The following ATP1A3 variants were observed in gnomAD, a reference collection of about 807,000 sequenced individuals.
ATP1A3 encodes ATPase Na+/K+ transporting subunit alpha 3, also known as sodium/potassium-transporting ATPase subunit alpha-3.
Under a neutral mutation model 108.8 loss-of-function variants are expected in ATP1A3, and 12 were observed. The ratio of observed to expected loss-of-function variants is 0.11; its 90% confidence interval spans 0.07 to 0.18. ATP1A3 has a LOEUF of 0.18. ATP1A3 is among the 10% of genes least tolerant of loss of function. The probability of loss-of-function intolerance (pLI) is 1.00; values close to 1 mark genes in which losing one functional copy is unlikely to be tolerated. For synonymous variants in ATP1A3, 539 were observed against 564.5 expected (o/e 0.95, Z 0.64); for missense variants, 498 against 1,387.7 (o/e 0.36, Z 10.19).
rs552115008 is a variant in ATP1A3, at chr19:41,974,868, C to A, written c.2263+761G>T. ...GCCTCAGACCCAGCCCCTCACACCGCCTTGCCTGTGTACCGGTTCCTCTGC... is the reference window on the plus strand; with the variant it reads ...GCCTCAGACCCAGCCCCTCACACCGACTTGCCTGTGTACCGGTTCCTCTGC... On this transcript the variant is annotated intron_variant, in intron 16 of 22. Transcript: ENST00000648268. Among the ~76,000 whole-genome samples the A allele has an allele frequency of 1.8e-4, 27 of 152,308 alleles. 2 individuals are homozygous for A. The South Asian group carries it at 5.4e-3, about 30-fold the overall frequency.
intron 16 of ATP1A3, among the ~76,000 whole-genome samples, chr19:41,972,033 T>G (rs2075115236): frequency 6.6e-6 from 1 of 152,128 alleles, no homozygotes; most frequent in African/African-American, 2.4e-5. Flanking sequence ...GAGGATTGCC[T>G]GAGATCAAGA....
In ATP1A3 at chr19:41,968,502, C is replaced by A. The variant is rs1555859102; in HGVS notation, c.2819+283G>T. Among the ~76,000 whole-genome samples the A allele has an allele frequency of 6.6e-6, 1 of 152,142 alleles. No individual in the cohort carries two copies. Among genetic ancestry groups the A allele is most frequent in the East Asian group, 1.9e-4 (1 of 5,190 alleles). ...CCAGCCTGGGCAACAGAGCAAGACT[C>A]TGTCTCTAAATAAATAAATAAAAAT... On this transcript the variant is annotated intron_variant, in intron 20 of 22. Transcript: ENST00000648268. This position sits in a 1 kb window ranked among gnomAD's most constrained non-coding sequence, Gnocchi z 5.0.
chr19:41,985,282 G>A lies in ATP1A3; in HGVS notation c.724+24C>T, dbSNP rs1687809222. On this transcript the variant is annotated intron_variant, in intron 7 of 22. Transcript: ENST00000648268. This position sits in a 1 kb window ranked among gnomAD's most constrained non-coding sequence, Gnocchi z 8.2. ...ACATCCCTGTGTCTGCCCCAGCTGT[G>A]TGTCTTCTCTGCACCCGCCTCACCT... is the stretch of plus-strand genomic sequence containing the variant. 6.2e-7 allele frequency: 1 copy of A among 1,613,944 alleles called. No homozygotes were observed. Among genetic ancestry groups the A allele is most frequent in the Non-Finnish European group, 8.5e-7 (1 of 1,179,802 alleles).
intron 1 of ATP1A3, among the ~76,000 whole-genome samples, chr19:41,992,244 C>T (rs2075347351): frequency 6.6e-6 from 1 of 152,188 alleles, no homozygotes; most frequent in African/African-American, 2.4e-5. Flanking sequence ...CTCCTGCTTG[C>T]CCTTGACACA....
At chr19:41,989,710 G>GA (rs2145986852) in intron 1 of ATP1A3, among the ~76,000 whole-genome samples, 2 of 151,960 alleles carry the variant, frequency 1.3e-5, no homozygotes, top group South Asian at 4.2e-4. Flanking sequence ...TCTGTTTTTG[G>GA]CTCTTGGTCT....
rs77670794 is a variant in ATP1A3, at chr19:41,987,528, G to A, written c.357+408C>T. 4.6e-5 allele frequency among the ~76,000 whole-genome samples: 7 copies of A among 152,242 alleles called. No homozygotes were observed. The East Asian group carries it at 1.4e-3, about 29-fold the overall frequency. ...GGCTGGTGTGTGGTCTGTGTTATGC[G>A]CATGGGATCTGAGGCTGCATCTCGA... is the stretch of plus-strand genomic sequence containing the variant. On this transcript the variant is annotated intron_variant, in intron 4 of 22. Coordinates refer to ENST00000648268, the MANE Select transcript of ATP1A3 (RefSeq NM_152296.5).
intron 8 of ATP1A3, among the ~76,000 whole-genome samples, chr19:41,983,967 G>A (rs1226361819): frequency 2.0e-5 from 3 of 151,412 alleles, no homozygotes; most frequent in African/African-American, 7.3e-5. Context: ...TAGAGATGGG[G>A]TTTTGCCATG....
chr19:41,973,925 C>T (rs2145956291), intron 16 of ATP1A3, among the ~76,000 whole-genome samples: 2 of 152,200 alleles, frequency 1.3e-5, no homozygotes, highest in South Asian at 4.2e-4. Flanking sequence ...GGGAGGATTG[C>T]TTGAGCCCAG....
chr19:41,986,934 G>A (rs973668867), intron 4 of ATP1A3, among the ~76,000 whole-genome samples: 2 of 151,676 alleles, frequency 1.3e-5, no homozygotes, highest in Admixed American at 6.6e-5. Flanking sequence ...TAGAGGCTGG[G>A]TCTGTCTGGG....
chr19:41,980,487 G>A (rs1344075672), intron 11 of ATP1A3, among the ~76,000 whole-genome samples: 7 of 152,080 alleles, frequency 4.6e-5, no homozygotes, highest in African/African-American at 9.7e-5. Flanking sequence ...GGTGGTGCAC[G>A]CCTCTAATTC....
Position 41,988,824 on chromosome 19 carries a change from G to C in ATP1A3, c.7-262C>G, listed in dbSNP as rs1405436133. ...AATCAGCTTCCCTGTCTCTGGTTCT[G>C]TGTGTCTCTGAGTCTCTGTCCCCGA... On this transcript the variant is annotated intron_variant, in intron 1 of 22. Coordinates refer to ENST00000648268, the MANE Select transcript of ATP1A3 (RefSeq NM_152296.5). This position sits in a 1 kb window ranked among gnomAD's most constrained non-coding sequence, Gnocchi z 5.3. Among the ~76,000 whole-genome samples, 4 of 152,118 alleles carry C rather than the reference G, an allele frequency of 2.6e-5. No individual in the cohort carries two copies. The highest frequency in any genetic ancestry group is 9.7e-5 in the African/African-American group (4 of 41,420).
chr19:41,980,585 C>T (rs1302112265), intron 11 of ATP1A3, among the ~76,000 whole-genome samples: 1 of 152,028 alleles, frequency 6.6e-6, no homozygotes, highest in Middle Eastern at 3.4e-3. Context: ...TGCCTTTTAG[C>T]CTGGGCGACA....
At position 41,982,062 on chromosome 19, in the gene ATP1A3, G is replaced by A. The variant is rs2075238096; in HGVS notation, c.1038C>T (p.Cys346=). The change falls in exon 9 of 23, where the codon TGC becomes TGT. Residue 346 remains cysteine, a synonymous_variant. Transcript: ENST00000648268. ...CTACAGCCTCCAGGTTCTTCACCAG[G>A]CAGTTCTTCCGGGCCATGCGCTTGG... ...LTAKRMARKN[C]LVKNLEAVET... 2 of 1,614,180 alleles carry A rather than the reference G, an allele frequency of 1.2e-6. No homozygotes were observed. The highest frequency in any genetic ancestry group is 1.7e-6 in the Non-Finnish European group (2 of 1,180,022).
intron 1 of ATP1A3, chr19:41,993,858 G>T (rs1414320583): frequency 6.8e-6 from 6 of 888,028 alleles, no homozygotes; most frequent in Non-Finnish European, 6.7e-6. Context: ...GCGGATCTCC[G>T]CACACAAAGC....
At chr19:41,986,351 C>T (rs941603349) in intron 4 of ATP1A3, 122 bp from the exon 5 acceptor site, 51 of 927,332 alleles carry the variant, frequency 5.5e-5, no homozygotes, top group Non-Finnish European at 8.0e-5. Flanking sequence ...GTGTGTCTGA[C>T]CCTAGGTTGG....
intron 1 of ATP1A3, chr19:41,993,793 G>A: frequency 1.6e-6 from 1 of 628,272 alleles, no homozygotes; most frequent in South Asian, 2.0e-5. Context: ...ATGCAACTGT[G>A]CACATGCAAC....
rs368551273 is a variant in ATP1A3, at chr19:41,978,673, G to C, written c.1563C>G (p.Asp521Glu). 13 of 1,613,906 alleles carry C rather than the reference G, an allele frequency of 8.1e-6. No homozygotes were observed. Among genetic ancestry groups the C allele is most frequent in the African/African-American group, 1.3e-5 (1 of 74,882 alleles). ...TCTGGAAGGCCTCCTTCATTTCCTC[G>C]TCCAGAGGCTGCTCCTTGCCCTGTA... ...ILLQGKEQPL[D>E]EEMKEAFQNA... is the part of the protein sequence containing the mutation. The change falls in exon 12 of 23, where the codon GAC becomes GAG. Residue 521 changes from aspartate to glutamate, a missense_variant. Coordinates refer to ENST00000648268, the MANE Select transcript of ATP1A3 (RefSeq NM_152296.5). The surrounding 1 kb of genome is among the most constrained non-coding windows in gnomAD (Gnocchi z 8.3).
rs782804940 is a variant in ATP1A3 at position 41,966,653 on chromosome 19, G to T, written c.*284C>A. The T allele has an allele frequency of 4.0e-6, 6 of 1,518,446 alleles. No individual in the cohort carries two copies. The African/African-American group carries it at 6.9e-5, about 17-fold the overall frequency. 94.1% of individuals were successfully genotyped at this position (1,518,446 alleles called of 1,614,324 possible). A position where few individuals can be genotyped will look rare whatever the true frequency, so the allele number is the denominator to read the frequency against. ...TGGCATCAGCCGGGGGGCTGAAGGGGAGTAAAAAAGAGCCCAGGGAGGTGG... is the reference window on the plus strand; with the variant it reads ...TGGCATCAGCCGGGGGGCTGAAGGGTAGTAAAAAAGAGCCCAGGGAGGTGG... On this transcript the variant is annotated 3_prime_UTR_variant, in exon 23 of 23. Transcript: ENST00000648268.
intron 14 of ATP1A3, 46 bp downstream of exon 14, chr19:41,977,890 C>T (rs1555861907): frequency 6.2e-7 from 1 of 1,604,154 alleles, no homozygotes; most frequent in East Asian, 2.2e-5. Context: ...CCTGTGTCAA[C>T]ACCCTAGAGG....
Sources: gnomAD v4.1 joint callset for allele counts (sites outside exome capture counted in the v4.1 genomes callset) on GRCh38, gnomAD v4.1.1 for gene constraint, Gnocchi (gnomAD v3.1) non-coding constraint, MANE v1.5 for transcripts, NCBI Gene and HGNC (gene_info 2026-07-23, HGNC 2026-07-21) for gene names.